PPP1R1C: variants seen among roughly 807,000 people sequenced by gnomAD.
PPP1R1C encodes protein phosphatase 1 regulatory inhibitor subunit 1C, also known as protein phosphatase 1 regulatory subunit 1C.
Under a neutral mutation model 17.4 loss-of-function variants are expected in PPP1R1C, and 15 were observed. That is an observed-to-expected ratio of 0.86 (90% CI 0.58 to 1.33). PPP1R1C has a LOEUF of 1.33. Ranked by LOEUF, PPP1R1C falls within the 40% of genes most tolerant of loss-of-function variation. The probability of loss-of-function intolerance (pLI) is 0.00; values close to 1 mark genes in which losing one functional copy is unlikely to be tolerated. For missense variants in PPP1R1C, 143 were observed against 130.0 expected, an observed-to-expected ratio of 1.10 and a Z score of -0.48; for synonymous variants, 35 against 43.1, an observed-to-expected ratio of 0.81 and a Z score of 0.73.
chr2:181,986,226 A>C (rs751044670), intron 1 of PPP1R1C, 35 bp downstream of exon 1: 5 of 1,459,630 alleles, frequency 3.4e-6, no homozygotes, highest in Admixed American at 3.3e-5. Context: ...ATTCCTGTAC[A>C]TAAGGTAATA....
At chr2:182,016,425 G>A (rs921907950) in intron 2 of PPP1R1C, among the ~76,000 whole-genome samples, 2 of 152,134 alleles carry the variant, frequency 1.3e-5, no homozygotes, top group Non-Finnish European at 2.9e-5. Flanking sequence ...CAGGTGGGGA[G>A]GGGATGACTG....
intron 2 of PPP1R1C, among the ~76,000 whole-genome samples, chr2:181,997,096 G>T (rs1685633960): frequency 6.6e-6 from 1 of 152,100 alleles, no homozygotes. Flanking sequence ...GGGCGCGGTG[G>T]CGGGCGCCTG....
chr2:182,117,848 C>G (rs768742), downstream of PPP1R1C: 36,893 of 152,018 alleles, frequency 0.24, 5,016 homozygotes, highest in African/African-American at 0.37. Flanking sequence ...ATTCAATACA[C>G]CACAATATTA....
intron 3 of PPP1R1C, among the ~76,000 whole-genome samples, chr2:182,062,439 C>A (rs975631270): frequency 6.6e-6 from 1 of 151,998 alleles, no homozygotes; most frequent in Non-Finnish European, 1.5e-5. Flanking sequence ...TAAACTGATT[C>A]GTTCTCAAAA....
chr2:182,125,074 C>T (rs1689841912), intron 5 of PPP1R1C, among the ~76,000 whole-genome samples: 1 of 152,104 alleles, frequency 6.6e-6, no homozygotes, highest in South Asian at 2.1e-4. Flanking sequence ...TAAGTTCCAT[C>T]AATACATAGT....
At chr2:181,991,758 T>C (rs972427467) in intron 2 of PPP1R1C, among the ~76,000 whole-genome samples, 1 of 152,212 alleles carries the variant, frequency 6.6e-6, no homozygotes, top group African/African-American at 2.4e-5. Flanking sequence ...TAAGGGCCTC[T>C]TTATGATAAG....
At chr2:182,064,135 T>C (rs571616588) in intron 4 of PPP1R1C, 24 of 265,848 alleles carry the variant, frequency 9.0e-5, no homozygotes, top group African/African-American at 5.1e-4. Flanking sequence ...AGATGATTAC[T>C]GTTTTTCTCT....
intron 1 of PPP1R1C, among the ~76,000 whole-genome samples, chr2:181,958,543 CA>C: frequency 6.6e-6 from 1 of 152,166 alleles, no homozygotes; most frequent in Admixed American, 6.5e-5. Flanking sequence ...AGTGGATGAA[CA>C]ATATCCATGC....
chr2:181,966,876 G>C (rs1684913948), intron 1 of PPP1R1C, among the ~76,000 whole-genome samples: 1 of 152,160 alleles, frequency 6.6e-6, no homozygotes, highest in Non-Finnish European at 1.5e-5. Flanking sequence ...GTTTGAGTAG[G>C]ATTGGTATTA....
chr2:181,988,069 A>G (rs190618383), intron 2 of PPP1R1C, among the ~76,000 whole-genome samples, 170 bp downstream of exon 2: 1 of 152,248 alleles, frequency 6.6e-6, no homozygotes, highest in Non-Finnish European at 1.5e-5. Flanking sequence ...TAAATATTAC[A>G]GGAATAATCT....
At chr2:182,060,688 A>T (rs1687823858) in intron 2 of PPP1R1C, among the ~76,000 whole-genome samples, 1 of 152,100 alleles carries the variant, frequency 6.6e-6, no homozygotes, top group Non-Finnish European at 1.5e-5. Flanking sequence ...TGAACTTCTC[A>T]TTCAGTTTTT....
At chr2:182,043,012 A>T (rs1687231814) in intron 2 of PPP1R1C, among the ~76,000 whole-genome samples, 1 of 152,254 alleles carries the variant, frequency 6.6e-6, no homozygotes, top group South Asian at 2.1e-4. Flanking sequence ...AACCTTAAAA[A>T]ATATGTAAGC....
intron 4 of PPP1R1C, chr2:182,103,692 T>C (rs1689164920): frequency 6.6e-6 from 1 of 152,146 alleles, no homozygotes; most frequent in Admixed American, 6.6e-5. Flanking sequence ...GTTGCAAAGC[T>C]CAGAGTGTAA....
chr2:181,959,789 A>G (rs893550767), intron 1 of PPP1R1C, among the ~76,000 whole-genome samples: 4 of 152,214 alleles, frequency 2.6e-5, no homozygotes, highest in African/African-American at 9.6e-5. Flanking sequence ...TTTGAGCAGT[A>G]TGCCTGTCCT....
intron 2 of PPP1R1C, among the ~76,000 whole-genome samples, chr2:182,018,732 T>G (rs770345102): frequency 1.3e-5 from 2 of 152,196 alleles, no homozygotes; most frequent in Non-Finnish European, 2.9e-5. Flanking sequence ...GAAAGTCAGT[T>G]AGGAGACCAG....
chr2:182,076,133 A>G (rs957663141), intron 4 of PPP1R1C, among the ~76,000 whole-genome samples: 12 of 145,516 alleles, frequency 8.2e-5, no homozygotes, highest in African/African-American at 3.1e-4. Flanking sequence ...GATCTTTTAG[A>G]ACAGTTCTTA....
At chr2:182,042,656 G>T (rs1281914526) in intron 2 of PPP1R1C, among the ~76,000 whole-genome samples, 1 of 152,168 alleles carries the variant, frequency 6.6e-6, no homozygotes, top group East Asian at 1.9e-4. Flanking sequence ...TGAGGTTGAG[G>T]TGGAATGAAG....
chr2:182,076,458 G>A (rs1232590635), intron 4 of PPP1R1C, among the ~76,000 whole-genome samples: 1 of 151,416 alleles, frequency 6.6e-6, no homozygotes, highest in Non-Finnish European at 1.5e-5. Context: ...ATGCAAGCAA[G>A]AAGTACTTGT....
At chr2:182,036,946 A>T (rs1183975495) in intron 2 of PPP1R1C, among the ~76,000 whole-genome samples, 2 of 152,240 alleles carry the variant, frequency 1.3e-5, no homozygotes, top group Non-Finnish European at 2.9e-5. Flanking sequence ...TTTAGAAATA[A>T]CACAAAGGTG....
Sources: gnomAD v4.1 joint callset for allele counts (sites outside exome capture counted in the v4.1 genomes callset) on GRCh38, gnomAD v4.1.1 for gene constraint, MANE v1.5 for transcripts, NCBI Gene and HGNC (gene_info 2026-07-23, HGNC 2026-07-21) for gene names.